Variants in PUDP observed in about 807,000 individuals in gnomAD.
The protein encoded by PUDP is pseudouridine-5'-phosphatase.
PUDP carries 8 observed loss-of-function variants against 9.4 expected under a neutral mutation model. The observed-to-expected ratio is 0.85, with a 90% CI of 0.50 to 1.53. The LOEUF is 1.53. Ranked by LOEUF, PUDP falls within the 40% of genes most tolerant of loss-of-function variation. PUDP has a pLI of 0.00. For synonymous variants in PUDP, 99 were observed against 80.7 expected, an observed-to-expected ratio of 1.23 and a Z score of -1.22; for missense variants, 188 against 189.7, an observed-to-expected ratio of 0.99 and a Z score of 0.05.
At chrX:6,902,074 G>A (rs73190755) in intron 3 of PUDP, among the ~76,000 whole-genome samples, 1 of 110,281 alleles carries the variant, frequency 9.1e-6, no homozygotes, top group African/African-American at 3.3e-5. Context: ...GGCGGGGGGC[G>A]GGGGTCTCAC....
intron 1 of PUDP, among the ~76,000 whole-genome samples, chrX:7,134,723 A>G (rs1335417140): frequency 8.9e-6 from 1 of 112,165 alleles, no homozygotes; most frequent in Non-Finnish European, 1.9e-5. Flanking sequence ...AGATATAAGG[A>G]TCTACTTAAC....
At chrX:6,914,135 C>G (rs1043445886) in intron 3 of PUDP, among the ~76,000 whole-genome samples, 2 of 96,965 alleles carry the variant, frequency 2.1e-5, no homozygotes, top group African/African-American at 7.8e-5. Flanking sequence ...CCACTGCACT[C>G]CAGCCTGGGT....
At chrX:6,804,876 G>T (rs758888454) in intron 3 of PUDP, among the ~76,000 whole-genome samples, 3 of 111,959 alleles carry the variant, frequency 2.7e-5, no homozygotes, top group Non-Finnish European at 5.6e-5. Context: ...GAATTGCAGA[G>T]GTTTTTATTC....
chrX:6,862,675 G>A (rs1339268266), intron 3 of PUDP, among the ~76,000 whole-genome samples: 1 of 111,908 alleles, frequency 8.9e-6, no homozygotes. Context: ...AACTTGGAGA[G>A]TATATAGGCA....
chrX:6,967,403 T>C (rs966429668), intron 3 of PUDP, among the ~76,000 whole-genome samples: 109 of 111,813 alleles, frequency 9.7e-4, no homozygotes, highest in African/African-American at 3.3e-3. Context: ...GCCTCGTCCC[T>C]GTGACCCTCT....
intron 3 of PUDP, among the ~76,000 whole-genome samples, chrX:6,830,769 G>A (rs1926492109): frequency 8.9e-6 from 1 of 112,107 alleles, no homozygotes. Context: ...GCCAAAAATT[G>A]TTGAAAAAGA....
intron 3 of PUDP, among the ~76,000 whole-genome samples, chrX:6,802,540 G>A (rs911915585): frequency 9.0e-6 from 1 of 111,212 alleles, no homozygotes; most frequent in African/African-American, 3.3e-5. Flanking sequence ...GTAGATCCTA[G>A]GAGAGAGAAT....
intron 3 of PUDP, among the ~76,000 whole-genome samples, chrX:6,906,787 G>A (rs1927773084): frequency 8.9e-6 from 1 of 111,821 alleles, no homozygotes; most frequent in African/African-American, 3.2e-5. Context: ...CCTAGCACAT[G>A]TGGGAACATC....
At position 6,846,128 on chromosome X, in the gene PUDP, A is replaced by T. The variant is rs191733065; in HGVS notation, c.*247+131005T>A. Among the ~76,000 whole-genome samples, 147 of 111,895 alleles carry T rather than the reference A, an allele frequency of 1.3e-3. 2 individuals carry two copies. Among genetic ancestry groups the T allele is most frequent in the Admixed American group, 2.5e-3 (26 of 10,565 alleles). On this transcript the variant is annotated intron_variant and NMD_transcript_variant, in intron 3 of 3. Transcript: ENST00000655425. Reference sequence around the variant, plus strand: ...TAAACATTGGTTTTGGAAACATTGGAAATTTTTTTTGAAAAGTGTCAGTTT... The same window carrying T: ...TAAACATTGGTTTTGGAAACATTGGTAATTTTTTTTGAAAAGTGTCAGTTT...
chrX:6,793,268 A>G (rs1047015168), intron 3 of PUDP, among the ~76,000 whole-genome samples: 1 of 112,068 alleles, frequency 8.9e-6, no homozygotes, highest in African/African-American at 3.2e-5. Context: ...ATGTCCTCAC[A>G]TCGCAGATGG....
intron 1 of PUDP, among the ~76,000 whole-genome samples, chrX:6,716,582 A>C (rs971020636): frequency 5.4e-5 from 6 of 111,593 alleles, no homozygotes; most frequent in African/African-American, 2.0e-4. Flanking sequence ...TTCTTTACCA[A>C]GTCTCTGAAT....
intron 3 of PUDP, among the ~76,000 whole-genome samples, chrX:6,883,379 G>A (rs764680445): frequency 3.6e-5 from 4 of 109,943 alleles, no homozygotes; most frequent in Admixed American, 1.9e-4. Context: ...AAAATTGGTT[G>A]GGCATGGTGG....
intron 3 of PUDP, among the ~76,000 whole-genome samples, chrX:6,932,151 T>C (rs1363998531): frequency 2.7e-5 from 3 of 111,363 alleles, no homozygotes; most frequent in African/African-American, 9.8e-5. Flanking sequence ...GTCTTTGGTA[T>C]TGGGCTTGGC....
upstream of PUDP, among the ~76,000 whole-genome samples, chrX:6,726,169 A>C (rs772379773): frequency 9.0e-6 from 1 of 111,301 alleles, no homozygotes; most frequent in Admixed American, 9.6e-5. Context: ...GACACATTAT[A>C]ACAACACTTA....
At chrX:7,050,979 C>T (rs781640214) in intron 3 of PUDP, among the ~76,000 whole-genome samples, 1 of 111,883 alleles carries the variant, frequency 8.9e-6, no homozygotes, top group Non-Finnish European at 1.9e-5. Context: ...CAAATGAGCA[C>T]GAAAACGTAG....
Position 6,726,853 on chromosome X carries a change from G to T in PUDP, c.*248-20387C>A, listed in dbSNP as rs189909830. 4.5e-5 allele frequency among the ~76,000 whole-genome samples: 5 copies of T among 111,703 alleles called. No homozygotes were observed. In the East Asian group the frequency reaches 1.1e-3, roughly 25 times the overall value. On this transcript the variant is annotated intron_variant and NMD_transcript_variant, in intron 3 of 3. Transcript: ENST00000655425. Reference sequence around the variant, plus strand: ...TAATCAATTAAATTATATTAAATAAGAGACCAATCAATTAAAATCAATTTC... The same window carrying T: ...TAATCAATTAAATTATATTAAATAATAGACCAATCAATTAAAATCAATTTC...
At chrX:7,146,336 A>G (rs1362352091) in intron 1 of PUDP, among the ~76,000 whole-genome samples, 1 of 111,996 alleles carries the variant, frequency 8.9e-6, no homozygotes, top group African/African-American at 3.3e-5. Flanking sequence ...TAATAAATTT[A>G]ATTTTAATGA....
At chrX:7,106,571 A>G (rs1471483179) in intron 1 of PUDP, among the ~76,000 whole-genome samples, 1 of 112,353 alleles carries the variant, frequency 8.9e-6, no homozygotes, top group African/African-American at 3.2e-5. Flanking sequence ...ACCCATTTCT[A>G]TTCATGTGTT....
intron 3 of PUDP, among the ~76,000 whole-genome samples, chrX:6,766,899 CAAAAT>C (rs1180495673): frequency 8.9e-6 from 1 of 112,005 alleles, no homozygotes; most frequent in Non-Finnish European, 1.9e-5. Context: ...TTAATTATCT[CAAAAT>C]AAAATGTTTA....
Sources: gnomAD v4.1 joint callset for allele counts (sites outside exome capture counted in the v4.1 genomes callset) on GRCh38, gnomAD v4.1.1 for gene constraint, MANE v1.5 for transcripts, NCBI Gene and HGNC (gene_info 2026-07-23, HGNC 2026-07-21) for gene names.